Variants in GRIN2B observed in about 807,000 individuals in gnomAD.
The protein encoded by GRIN2B is glutamate ionotropic receptor NMDA type subunit 2B, also known as glutamate receptor ionotropic, NMDA 2B.
GRIN2B carries 5 observed loss-of-function variants against 114.5 expected under a neutral mutation model. That is an observed-to-expected ratio of 0.04 (90% confidence interval 0.02 to 0.09). The LOEUF (loss-of-function observed/expected upper bound fraction) is 0.09. Ranked by LOEUF, GRIN2B falls within the 10% of genes least tolerant of loss-of-function variation. GRIN2B has a pLI of 1.00. For synonymous variants in GRIN2B, 787 were observed against 745.1 expected (o/e 1.06, Z -0.92); for missense variants, 1,108 against 1,943.5 (o/e 0.57, Z 8.08).
chr12:13,790,604 T>C (rs1361180443), intron 3 of GRIN2B, among the ~76,000 whole-genome samples: 2 of 152,324 alleles, frequency 1.3e-5, no homozygotes, highest in Admixed American at 6.5e-5. Flanking sequence ...TTGGGGTAAT[T>C]GCATTTTATA....
At chr12:13,761,882 C>T (rs7316902) in intron 3 of GRIN2B, among the ~76,000 whole-genome samples, 13 of 151,944 alleles carry the variant, frequency 8.6e-5, no homozygotes, top group African/African-American at 2.2e-4. Flanking sequence ...TAAGTAGTAG[C>T]GTTATCAATA....
At chr12:13,692,774 T>C (rs1361727448) in intron 4 of GRIN2B, among the ~76,000 whole-genome samples, 2 of 126,688 alleles carry the variant, frequency 1.6e-5, no homozygotes, top group East Asian at 2.0e-4. Context: ...TTTTTTTTTT[T>C]TTTTTTTTTT....
chr12:13,616,787 T>TAGAG (rs1949449194), intron 5 of GRIN2B, 130 bp from the exon 6 acceptor site: 1 of 746,462 alleles, frequency 1.3e-6, no homozygotes, highest in Non-Finnish European at 2.4e-6. Flanking sequence ...TTGTACATAC[T>TAGAG]AGAGATAGGA....
chr12:13,737,581 C>T (rs1481024094), intron 4 of GRIN2B, among the ~76,000 whole-genome samples: 1 of 152,108 alleles, frequency 6.6e-6, no homozygotes. Context: ...TGATTTCTTC[C>T]TGCTCATTCC....
rs1303769974 is a variant in GRIN2B at position 13,556,845 on chromosome 12, C to T, written c.*5938G>A. 1 of 152,178 alleles carries T rather than the reference C, an allele frequency of 6.6e-6. No individual in the cohort carries two copies. The highest frequency in any genetic ancestry group is 1.5e-5 in the Non-Finnish European group (1 of 68,028). The allele number at this position is 152,178 out of a possible 1,614,324, so 9.4% of individuals were successfully genotyped here. The stretch of plus-strand genomic sequence containing the variant: ...AGCTCCAGAAACTCACTGTACAGAG[C>T]TCTTGAGAGATGTAGAGAGAAATGT... On this transcript the variant is annotated 3_prime_UTR_variant, in exon 14 of 14. Coordinates refer to ENST00000609686, the MANE Select transcript of GRIN2B (RefSeq NM_000834.5).
chr12:13,679,805 G>T (rs1213943580), intron 4 of GRIN2B, among the ~76,000 whole-genome samples: 1 of 152,052 alleles, frequency 6.6e-6, no homozygotes, highest in Non-Finnish European at 1.5e-5. Context: ...TGGGGGTGTG[G>T]TCACTTCTAG....
At chr12:13,871,391 A>G (rs1272683020) in intron 2 of GRIN2B, among the ~76,000 whole-genome samples, 2 of 151,858 alleles carry the variant, frequency 1.3e-5, no homozygotes, top group African/African-American at 4.8e-5. Flanking sequence ...AAAAAAAAAA[A>G]ACTTGTGATT....
intron 4 of GRIN2B, among the ~76,000 whole-genome samples, chr12:13,728,480 G>A (rs1253701899): frequency 6.6e-6 from 1 of 152,096 alleles, no homozygotes; most frequent in Non-Finnish European, 1.5e-5. Context: ...TTGTTTTGTA[G>A]GTAATCTGAT....
chr12:13,653,922 CA>C (rs1949840720), intron 5 of GRIN2B, among the ~76,000 whole-genome samples: 1 of 152,204 alleles, frequency 6.6e-6, no homozygotes, highest in South Asian at 2.1e-4. Flanking sequence ...CTATGGTTCA[CA>C]CTAAAATTTC....
intron 13 of GRIN2B, among the ~76,000 whole-genome samples, chr12:13,565,634 G>A (rs1948628859): frequency 6.6e-6 from 1 of 152,110 alleles, no homozygotes; most frequent in African/African-American, 2.4e-5. Flanking sequence ...GGACAAACTT[G>A]GAACTTTTCT....
rs374460104 is a variant in GRIN2B, at chr12:13,930,672, G to A, written c.-19+49256C>T. On this transcript the variant is annotated intron_variant, in intron 2 of 13. Coordinates refer to ENST00000609686, the MANE Select transcript of GRIN2B (RefSeq NM_000834.5). Reference sequence around the variant, plus strand: ...TGAAGCAGGTAACCTGTTTATTCATGATTTGGATAAAGGCAGAGGGAGCTG... The same window carrying A: ...TGAAGCAGGTAACCTGTTTATTCATAATTTGGATAAAGGCAGAGGGAGCTG... 6.6e-5 allele frequency among the ~76,000 whole-genome samples: 10 copies of A among 152,306 alleles called. No individual in the cohort carries two copies. The South Asian group carries it at 8.3e-4, about 13-fold the overall frequency.
chr12:13,963,612 G>A (rs1375166503), intron 2 of GRIN2B, among the ~76,000 whole-genome samples: 1 of 152,130 alleles, frequency 6.6e-6, no homozygotes, highest in Admixed American at 6.5e-5. Context: ...TACAGCAGAG[G>A]AAAAGCTGGC....
At chr12:13,887,661 A>G (rs1250958508) in intron 2 of GRIN2B, among the ~76,000 whole-genome samples, 1 of 152,256 alleles carries the variant, frequency 6.6e-6, no homozygotes, top group Non-Finnish European at 1.5e-5. Context: ...ACTTATACTT[A>G]CCCACTCATC....
intron 5 of GRIN2B, among the ~76,000 whole-genome samples, chr12:13,625,268 C>T (rs555115102): frequency 6.6e-6 from 1 of 152,176 alleles, no homozygotes; most frequent in South Asian, 2.1e-4. Flanking sequence ...ATATTTATGA[C>T]CTCTATATTC....
intron 3 of GRIN2B, among the ~76,000 whole-genome samples, chr12:13,827,775 G>A (rs1482219017): frequency 3.9e-5 from 6 of 152,010 alleles, no homozygotes; most frequent in African/African-American, 1.2e-4. Context: ...TCCACCTCCC[G>A]GGTTCAAGCG....
At chr12:13,881,466 A>G (rs750548296) in intron 2 of GRIN2B, among the ~76,000 whole-genome samples, 6 of 152,064 alleles carry the variant, frequency 3.9e-5, no homozygotes, top group Non-Finnish European at 7.4e-5. Flanking sequence ...CTGTCCCCCA[A>G]CTGAGTCAGT....
At chr12:13,959,533 C>T (rs1434831062) in intron 2 of GRIN2B, among the ~76,000 whole-genome samples, 1 of 152,080 alleles carries the variant, frequency 6.6e-6, no homozygotes, top group Non-Finnish European at 1.5e-5. Flanking sequence ...AGCTAGAGTC[C>T]TGCACTAAGC....
chr12:13,913,184 G>A (rs888646988), intron 2 of GRIN2B, among the ~76,000 whole-genome samples: 2 of 152,244 alleles, frequency 1.3e-5, no homozygotes, highest in Middle Eastern at 3.4e-3. Context: ...TTGGAGCCAC[G>A]CTTACCATGT....
rs922830141 is a variant in GRIN2B at position 13,675,864 on chromosome 12, A to T, written c.1011-5T>A. ...AAAGTGACATTGATCAGATACCTGTAAAGATAAAATAAAAGGAAGATTAAA... is the reference window on the plus strand; with the variant it reads ...AAAGTGACATTGATCAGATACCTGTTAAGATAAAATAAAAGGAAGATTAAA... On this transcript the variant is annotated splice_region_variant and splice_polypyrimidine_tract_variant and intron_variant, in intron 4 of 13. Transcript: ENST00000609686. 3.4e-6 allele frequency: 5 copies of T among 1,471,208 alleles called. No homozygotes were observed. Among genetic ancestry groups the T allele is most frequent in the Admixed American group, 1.7e-5 (1 of 59,696 alleles). 91.1% of individuals were successfully genotyped at this position (1,471,208 alleles called of 1,614,324 possible).
Sources: allele counts gnomAD v4.1 joint callset (sites outside exome capture counted in the v4.1 genomes callset), GRCh38; gene constraint gnomAD v4.1.1; transcripts MANE v1.5; gene names NCBI Gene and HGNC (gene_info 2026-07-23, HGNC 2026-07-21).